The following IGSF10 variants were observed in gnomAD, a reference collection of about 807,000 sequenced individuals.
IGSF10 encodes calvaria mechanical force protein 608.
A neutral mutation model predicts 128.2 loss-of-function variants in IGSF10; 126 were observed. That is an observed-to-expected ratio of 0.98 (90% CI 0.85 to 1.14). The LOEUF is 1.14. Ranked by LOEUF, IGSF10 falls within the 50% of genes most tolerant of loss-of-function variation. The pLI, the probability that IGSF10 is intolerant of heterozygous loss-of-function variation, is 0.00. For synonymous variants in IGSF10, 1,185 were observed against 1,146.2 expected (o/e 1.03, Z -0.68); for missense variants, 3,295 against 3,149.8 (o/e 1.05, Z -1.10).
At chr3:151,476,483 C>T in the IGSF10 span, among the ~76,000 whole-genome samples, 1 of 152,116 alleles carries the variant, frequency 6.6e-6, no homozygotes, top group African/African-American at 2.4e-5. Flanking sequence ...CTACATTGTA[C>T]CCGGATGGCC....
chr3:151,569,096 G>A, the IGSF10 span, among the ~76,000 whole-genome samples: 8 of 152,120 alleles, frequency 5.3e-5, no homozygotes, highest in Non-Finnish European at 8.8e-5. Flanking sequence ...ATTTGAGACC[G>A]AATCTTGCTC....
chr3:151,543,289 AG>A, the IGSF10 span, among the ~76,000 whole-genome samples: 1 of 152,122 alleles, frequency 6.6e-6, no homozygotes, highest in Non-Finnish European at 1.5e-5. Context: ...GGCCATAGGC[AG>A]GTGAAATGCA....
At chr3:151,433,577 T>C (rs1359077585), downstream of IGSF10, 1 of 152,370 alleles carries the variant, frequency 6.6e-6, no homozygotes, top group Non-Finnish European at 1.5e-5. Flanking sequence ...AGGTACAACA[T>C]GTAAATCCTA....
the IGSF10 span, among the ~76,000 whole-genome samples, chr3:151,581,270 CA>C: frequency 6.6e-6 from 1 of 152,196 alleles, no homozygotes; most frequent in Non-Finnish European, 1.5e-5. Context: ...TAGACCCCAA[CA>C]GCTTTAACAG....
At chr3:151,618,590 C>T in the IGSF10 span, among the ~76,000 whole-genome samples, 2 of 151,502 alleles carry the variant, frequency 1.3e-5, no homozygotes, top group African/African-American at 4.8e-5. Context: ...ATTAGCCGGG[C>T]GTGGTGGTGG....
chr3:151,441,255 T>G (rs1720832864), intron 7 of IGSF10, among the ~76,000 whole-genome samples: 1 of 152,188 alleles, frequency 6.6e-6, no homozygotes, highest in African/African-American at 2.4e-5. Flanking sequence ...CTAATATTTT[T>G]GAGAGAGATA....
chr3:151,534,653 A>T, the IGSF10 span, among the ~76,000 whole-genome samples: 1 of 107,412 alleles, frequency 9.3e-6, no homozygotes. Flanking sequence ...GGGGCCTGTC[A>T]TGGGGTGGGG....
chr3:151,432,890 TCC>T, downstream of IGSF10: 1 of 969,844 alleles, frequency 1.0e-6, no homozygotes, highest in Non-Finnish European at 1.5e-6. Context: ...CTTAAAAATG[TCC>T]CTTTTTTTCA....
At chr3:151,616,390 T>G in the IGSF10 span, among the ~76,000 whole-genome samples, 1 of 152,262 alleles carries the variant, frequency 6.6e-6, no homozygotes, top group Non-Finnish European at 1.5e-5. Flanking sequence ...AACTAAAATC[T>G]AACATATAAA....
the IGSF10 span, among the ~76,000 whole-genome samples, chr3:151,619,683 G>A: frequency 2.0e-5 from 3 of 152,118 alleles, no homozygotes; most frequent in African/African-American, 4.8e-5. Flanking sequence ...TTTGTTAGAG[G>A]CTTGATCCCC....
At chr3:151,615,888 A>G in the IGSF10 span, among the ~76,000 whole-genome samples, 15 of 151,946 alleles carry the variant, frequency 9.9e-5, no homozygotes, top group South Asian at 2.9e-3. Context: ...ATGTTAATTT[A>G]TAGGGATTCG....
chr3:151,515,467 T>G, the IGSF10 span, among the ~76,000 whole-genome samples: 2 of 84,790 alleles, frequency 2.4e-5, no homozygotes, highest in Non-Finnish European at 2.1e-5. Context: ...TGGGGACTGT[T>G]GTGGGGTGGG....
At chr3:151,586,550 C>T in the IGSF10 span, among the ~76,000 whole-genome samples, 1 of 152,094 alleles carries the variant, frequency 6.6e-6, no homozygotes, top group Non-Finnish European at 1.5e-5. Context: ...AGAAATAGTA[C>T]TTAATTAGGG....
the IGSF10 span, among the ~76,000 whole-genome samples, chr3:151,501,978 G>T: frequency 6.6e-6 from 1 of 151,952 alleles, no homozygotes; most frequent in African/African-American, 2.4e-5. Context: ...GTCCTAGATT[G>T]GATGTATCAC....
At position 151,455,950 on chromosome 3, in the gene IGSF10, C is replaced by G. The variant is rs370491348; in HGVS notation, c.324+1076G>C. On this transcript the variant is annotated intron_variant, in intron 4 of 7. Coordinates refer to ENST00000282466, the MANE Select transcript of IGSF10 (RefSeq NM_178822.5). Reference sequence around the variant, plus strand: ...ACTATCATCTCTGTCGAGAATGCTTCTCTAGAATGCCAAGACCCCTAATAA... The same window carrying G: ...ACTATCATCTCTGTCGAGAATGCTTGTCTAGAATGCCAAGACCCCTAATAA... Among the ~76,000 whole-genome samples the G allele has an allele frequency of 3.3e-5, 5 of 152,290 alleles. No homozygotes were observed. In the South Asian group the frequency reaches 6.2e-4, roughly 19 times the overall value.
chr3:151,506,646 C>T, the IGSF10 span, among the ~76,000 whole-genome samples: 1 of 151,890 alleles, frequency 6.6e-6, no homozygotes, highest in South Asian at 2.1e-4. Context: ...AAATGTAGGC[C>T]TAAATTCCTT....
the IGSF10 span, among the ~76,000 whole-genome samples, chr3:151,479,321 T>C: frequency 6.6e-6 from 1 of 152,166 alleles, no homozygotes; most frequent in Non-Finnish European, 1.5e-5. Context: ...TGAAAACAAA[T>C]GTTTCTTTCT....
the IGSF10 span, among the ~76,000 whole-genome samples, chr3:151,493,119 A>G: frequency 6.6e-6 from 1 of 152,180 alleles, no homozygotes; most frequent in Non-Finnish European, 1.5e-5. Context: ...TTTTGGGGAA[A>G]AAAAGGTTAA....
At chr3:151,450,900 A>AG (rs1389914374) in intron 5 of IGSF10, among the ~76,000 whole-genome samples, 3 of 149,708 alleles carry the variant, frequency 2.0e-5, no homozygotes, top group African/African-American at 7.4e-5. Context: ...TGTCTCAAAA[A>AG]AAAAAAAAAA....
Sources: gnomAD v4.1 joint callset for allele counts (sites outside exome capture counted in the v4.1 genomes callset) on GRCh38, gnomAD v4.1.1 for gene constraint, MANE v1.5 for transcripts, NCBI Gene and HGNC (gene_info 2026-07-23, HGNC 2026-07-21) for gene names.